Variants in WWOX observed in about 807,000 individuals in gnomAD.
The protein encoded by WWOX is WW domain-containing oxidoreductase.
WWOX carries 69 observed loss-of-function variants against 46.2 expected under a neutral mutation model. That is an observed-to-expected ratio of 1.49 (90% CI 1.23 to 1.82). The LOEUF is 1.82. WWOX is among the 40% of genes most tolerant of loss of function. WWOX has a pLI of 0.00. For synonymous variants in WWOX, 359 were observed against 202.6 expected (o/e 1.77, Z -6.56); for missense variants, 919 against 542.6 (o/e 1.69, Z -6.89).
chr16:78,506,695 G>GTTTTTTTTTTTTTTTTTTTTTTTTTT (rs1159884484), intron 8 of WWOX: 2 of 8,634 alleles, frequency 2.3e-4, no homozygotes, highest in African/African-American at 3.1e-4. Context: ...CTTTTTGTGT[G>GTTTTTTTTTTTTTTTTTTTTTTTTTT]TTTTTTTTTT....
At chr16:78,948,016 G>A (rs2045982063) in intron 8 of WWOX, among the ~76,000 whole-genome samples, 1 of 152,196 alleles carries the variant, frequency 6.6e-6, no homozygotes, top group South Asian at 2.1e-4. Context: ...AGGAAGGGTG[G>A]GACGATGGAG....
intron 5 of WWOX, among the ~76,000 whole-genome samples, chr16:78,278,415 A>C (rs1304336101): frequency 6.6e-6 from 1 of 152,196 alleles, no homozygotes; most frequent in Admixed American, 6.5e-5. Context: ...GAAATACTAT[A>C]ATTTTGATAT....
intron 8 of WWOX, among the ~76,000 whole-genome samples, chr16:78,904,234 C>CTTTT (rs5818190): frequency 1.3e-4 from 11 of 85,788 alleles, no homozygotes; most frequent in East Asian, 3.0e-4. Context: ...TTATAAATGC[C>CTTTT]TTTTTTTTTT....
At chr16:78,851,754 C>T (rs2052449968) in intron 8 of WWOX, among the ~76,000 whole-genome samples, 1 of 152,082 alleles carries the variant, frequency 6.6e-6, no homozygotes, top group Non-Finnish European at 1.5e-5. Flanking sequence ...ATTTTGTGCC[C>T]AGTTTATAAA....
At chr16:78,715,520 G>C (rs575325163) in intron 8 of WWOX, among the ~76,000 whole-genome samples, 3 of 141,874 alleles carry the variant, frequency 2.1e-5, no homozygotes, top group African/African-American at 8.0e-5. Context: ...GCCTCACTCT[G>C]TTGTCCAGGC....
At chr16:78,547,914 G>C (rs1352311700) in intron 8 of WWOX, among the ~76,000 whole-genome samples, 1 of 152,096 alleles carries the variant, frequency 6.6e-6, no homozygotes, top group East Asian at 1.9e-4. Context: ...CACTTTGGGA[G>C]GCTGAGATGG....
At chr16:78,669,257 G>A (rs1447676183) in intron 8 of WWOX, among the ~76,000 whole-genome samples, 1 of 152,336 alleles carries the variant, frequency 6.6e-6, no homozygotes, top group Admixed American at 6.5e-5. Flanking sequence ...CACATTTGCT[G>A]TCCCAAGTGT....
intron 7 of WWOX, 76 bp downstream of exon 7, chr16:78,425,131 G>GA: frequency 6.3e-7 from 1 of 1,590,800 alleles, no homozygotes; most frequent in Non-Finnish European, 8.6e-7. Context: ...CTCTCATTCT[G>GA]AAAATAATTT....
intron 5 of WWOX, among the ~76,000 whole-genome samples, chr16:78,261,266 GA>G: frequency 9.4e-6 from 1 of 105,958 alleles, no homozygotes; most frequent in Non-Finnish European, 2.1e-5. Flanking sequence ...TGGTAAGGTA[GA>G]TAGATAGATA....
chr16:78,584,937 C>G (rs952985342), intron 8 of WWOX, among the ~76,000 whole-genome samples: 1 of 152,244 alleles, frequency 6.6e-6, no homozygotes, highest in South Asian at 2.1e-4. Context: ...TCGGTCAAAG[C>G]ACACAGTGGG....
rs564931441 is a variant in WWOX at position 78,954,075 on chromosome 16, C to T, written c.1057-257533C>T. 5.3e-5 allele frequency among the ~76,000 whole-genome samples: 8 copies of T among 152,314 alleles called. No individual in the cohort carries two copies. In the East Asian group the frequency reaches 1.2e-3, roughly 22 times the overall value. On this transcript the variant is annotated intron_variant, in intron 8 of 8. Transcript: ENST00000566780. Reference sequence around the variant, plus strand: ...GTCAAGGCAAGGACCATATCTTATTCAGTTCCTAGTCATCTTTTCTTTCTT... The same window carrying T: ...GTCAAGGCAAGGACCATATCTTATTTAGTTCCTAGTCATCTTTTCTTTCTT...
intron 8 of WWOX, among the ~76,000 whole-genome samples, chr16:78,458,043 C>A (rs1410086508): frequency 1.4e-5 from 2 of 146,430 alleles, no homozygotes; most frequent in Non-Finnish European, 3.0e-5. Context: ...TGCCACTGCA[C>A]TCCAGCCTGG....
intron 5 of WWOX, among the ~76,000 whole-genome samples, chr16:78,190,789 C>T (rs933439492): frequency 6.6e-6 from 1 of 152,168 alleles, no homozygotes; most frequent in Non-Finnish European, 1.5e-5. Flanking sequence ...CTGCATACTT[C>T]ATCAAGTTGT....
At chr16:79,111,620 T>C (rs1367996841) in intron 8 of WWOX, among the ~76,000 whole-genome samples, 2 of 152,110 alleles carry the variant, frequency 1.3e-5, no homozygotes, top group African/African-American at 4.8e-5. Flanking sequence ...AGAGCTGCAA[T>C]TGTCAAGAGA....
At chr16:78,958,547 C>G (rs2046214296) in intron 8 of WWOX, among the ~76,000 whole-genome samples, 1 of 152,200 alleles carries the variant, frequency 6.6e-6, no homozygotes, top group African/African-American at 2.4e-5. Flanking sequence ...AGTTATGGTG[C>G]CTTGCAGTTT....
At chr16:78,854,500 A>T (rs192950012) in intron 8 of WWOX, among the ~76,000 whole-genome samples, 1 of 152,208 alleles carries the variant, frequency 6.6e-6, no homozygotes, top group African/African-American at 2.4e-5. Context: ...CTGCCTATGC[A>T]TCCCTCAAAT....
chr16:78,284,095 G>A (rs779882601), intron 5 of WWOX, among the ~76,000 whole-genome samples: 10 of 152,214 alleles, frequency 6.6e-5, no homozygotes, highest in Non-Finnish European at 8.8e-5. Flanking sequence ...ACCATTGCGT[G>A]TAGGAGGGGT....
At chr16:78,812,243 G>C (rs1305589239) in intron 8 of WWOX, among the ~76,000 whole-genome samples, 1 of 152,084 alleles carries the variant, frequency 6.6e-6, no homozygotes, top group African/African-American at 2.4e-5. Context: ...GGCATATTTA[G>C]GATAATGCCC....
In WWOX at chr16:79,202,028, G is replaced by T. The variant is rs192797768; in HGVS notation, c.1057-9580G>T. 5.3e-4 allele frequency among the ~76,000 whole-genome samples: 80 copies of T among 151,644 alleles called. No homozygotes were observed. The East Asian group carries it at 0.014, about 26-fold the overall frequency. On this transcript the variant is annotated intron_variant, in intron 8 of 8. Coordinates refer to ENST00000566780, the MANE Select transcript of WWOX (RefSeq NM_016373.4). ...GTAGAGCAGAGATTGACAAACTATG[G>T]CCTGCCGGCTAAATCTGGCCCAGTG...
Sources: allele counts gnomAD v4.1 joint callset (sites outside exome capture counted in the v4.1 genomes callset), GRCh38; gene constraint gnomAD v4.1.1; transcripts MANE v1.5; gene names NCBI Gene and HGNC (gene_info 2026-07-23, HGNC 2026-07-21).